The following ZNF441 variants were observed in gnomAD, a reference collection of about 807,000 sequenced individuals.
The protein encoded by ZNF441 is zinc finger protein 441.
Under a neutral mutation model 64.5 loss-of-function variants are expected in ZNF441, and 25 were observed. That is an observed-to-expected ratio of 0.39 (90% CI 0.28 to 0.54). The LOEUF (loss-of-function observed/expected upper bound fraction) is 0.54. Among genes scored for constraint, ZNF441 ranks in the 20% least tolerant of loss-of-function variants. ZNF441 has a pLI of 0.70. For missense variants in ZNF441, 715 were observed against 843.3 expected (o/e 0.85, Z 1.88); for synonymous variants, 262 against 268.0 (o/e 0.98, Z 0.22).
chr19:11,781,121 T>C lies in ZNF441; in HGVS notation c.1297T>C (p.Tyr433His), dbSNP rs1386545943. ...TGGAAAAGCCTTCATTTGTTGCACT[T>C]ACCTTCAAATACATGAAAGAATTCA... ...QCGKAFICCT[Y>H]LQIHERIHTG... The change falls in exon 4 of 4, where the codon TAC (tyrosine) becomes CAC (histidine). Residue 433 changes from tyrosine (Y) to histidine (H), a missense_variant. Tyr to His is a moderately conservative substitution (Grantham distance 83). Around this residue, in one of 2 missense-constraint regions of ZNF441, gnomAD observed 316 missense variants for 429.3 expected, o/e 0.74. Transcript: ENST00000357901. The C allele has an allele frequency of 6.2e-7, 1 of 1,613,878 alleles. No homozygotes were observed. The highest frequency in any genetic ancestry group is 8.5e-7 in the Non-Finnish European group (1 of 1,180,006).
At chr19:11,776,926 A>G (rs908424422) in intron 1 of ZNF441, among the ~76,000 whole-genome samples, 2 of 151,968 alleles carry the variant, frequency 1.3e-5, no homozygotes, top group South Asian at 4.2e-4. Context: ...CTCCTGCCGC[A>G]GCCTCCTGAG....
chr19:11,779,028 A>G (rs1187397290), intron 3 of ZNF441, among the ~76,000 whole-genome samples: 1 of 152,186 alleles, frequency 6.6e-6, no homozygotes, highest in Non-Finnish European at 1.5e-5. Flanking sequence ...AATGTTAGAA[A>G]TGTAAATCCA....
intron 3 of ZNF441, among the ~76,000 whole-genome samples, chr19:11,779,289 A>G (rs1975377638): frequency 6.7e-6 from 1 of 148,832 alleles, no homozygotes; most frequent in South Asian, 2.1e-4. Flanking sequence ...ACTATACTCC[A>G]GCCTGGGCAA....
In ZNF441 at chr19:11,781,139, A is replaced by G. The variant is rs1371003533; in HGVS notation, c.1315A>G (p.Arg439Gly). 6.2e-7 allele frequency: 1 copy of G among 1,614,124 alleles called. No individual in the cohort carries two copies. The highest frequency in any genetic ancestry group is 8.5e-7 in the Non-Finnish European group (1 of 1,180,028). ...TTGCACTTACCTTCAAATACATGAA[A>G]GAATTCACACTGGGGAGAGACCCTA... Reference protein sequence around the residue: ...ICCTYLQIHERIHTGERPYKC... With the variant: ...ICCTYLQIHEGIHTGERPYKC... Residue 439 changes from arginine to glycine, a missense_variant, in exon 4 of 4, where the codon AGA becomes GGA. Coordinates refer to ENST00000357901, the MANE Select transcript of ZNF441 (RefSeq NM_152355.3).
rs1297456950 is a variant in ZNF441, at chr19:11,781,281, A to G, written c.1457A>G (p.His486Arg). Residue 486 changes from histidine to arginine, a missense_variant, in exon 4 of 4, where the codon CAT becomes CGT. Physicochemically the swap from His to Arg is conservative, Grantham distance 29. Around this residue, in one of 2 missense-constraint regions of ZNF441, gnomAD observed 316 missense variants for 429.3 expected, o/e 0.74. Coordinates refer to ENST00000357901, the MANE Select transcript of ZNF441 (RefSeq NM_152355.3). ...ECKQCGKALS[H>R]LKSFQRHMIM... ...AAGCAGTGTGGAAAAGCACTTTCTC[A>G]TCTGAAAAGCTTTCAGAGACACATG... 1.2e-6 allele frequency: 2 copies of G among 1,613,826 alleles called. No individual in the cohort carries two copies. The highest frequency in any genetic ancestry group is 3.3e-5 in the Admixed American group (2 of 59,996).
At chr19:11,771,774 C>T (rs567829286) in intron 1 of ZNF441, among the ~76,000 whole-genome samples, 1 of 152,284 alleles carries the variant, frequency 6.6e-6, no homozygotes, top group East Asian at 1.9e-4. Flanking sequence ...CGTGGTCTAG[C>T]GGTAGCAAAA....
Position 11,767,328 on chromosome 19 carries a change from G to T in ZNF441, c.3+132G>T. 1 of 1,422,174 alleles carries T rather than the reference G, an allele frequency of 7.0e-7. No homozygotes were observed. Among genetic ancestry groups the T allele is most frequent in the Non-Finnish European group, 9.6e-7 (1 of 1,040,154 alleles). 88.1% of individuals were successfully genotyped at this position (1,422,174 alleles called of 1,614,324 possible). On this transcript the variant is annotated intron_variant, in intron 1 of 3. Coordinates refer to ENST00000357901, the MANE Select transcript of ZNF441 (RefSeq NM_152355.3). This position sits in a 1 kb window ranked among gnomAD's most constrained non-coding sequence, Gnocchi z 5.1. ...GCGCAGCTCGGCCCTCGGTTCCCTC[G>T]GCCGCACGATGGGGCTGGGGCGGCA...
chr19:11,780,582 A>C lies in ZNF441; in HGVS notation c.758A>C (p.Gln253Pro). ...ERTHSGEKPY[Q>P]CKQCGKAFSC... Reference sequence around the variant, plus strand: ...ACACACAGTGGAGAGAAACCCTATCAATGTAAACAATGTGGGAAAGCCTTC... The same window carrying C: ...ACACACAGTGGAGAGAAACCCTATCCATGTAAACAATGTGGGAAAGCCTTC... Residue 253 changes from glutamine (Q) to proline (P), a missense_variant, in exon 4 of 4, where the codon CAA (glutamine) becomes CCA (proline). Gln to Pro is a moderately conservative substitution (Grantham distance 76). Around this residue, in one of 2 missense-constraint regions of ZNF441, gnomAD observed 399 missense variants for 413.9 expected, o/e 0.96. Transcript: ENST00000357901. 1.2e-6 allele frequency: 2 copies of C among 1,614,202 alleles called. No individual in the cohort carries two copies. Among genetic ancestry groups the C allele is most frequent in the South Asian group, 1.1e-5 (1 of 91,086 alleles).
At chr19:11,776,964 A>G (rs1482729218) in intron 1 of ZNF441, among the ~76,000 whole-genome samples, 1 of 152,122 alleles carries the variant, frequency 6.6e-6, no homozygotes, top group Non-Finnish European at 1.5e-5. Context: ...ATGAACCACC[A>G]TACCGGGCTA....
intron 1 of ZNF441, among the ~76,000 whole-genome samples, chr19:11,777,353 C>G (rs1975363316): frequency 6.6e-6 from 1 of 152,150 alleles, no homozygotes; most frequent in Non-Finnish European, 1.5e-5. Context: ...AGGAGTGATT[C>G]AGGCAATAAG....
At chr19:11,771,965 C>G (rs1000894516) in intron 1 of ZNF441, among the ~76,000 whole-genome samples, 10 of 152,218 alleles carry the variant, frequency 6.6e-5, no homozygotes, top group African/African-American at 2.4e-4. Context: ...GGTCACACTC[C>G]TAGTCTGCCT....
rs943352836 is a variant in ZNF441 at position 11,767,893 on chromosome 19, G to A, written c.3+697G>A. Among the ~76,000 whole-genome samples the A allele has an allele frequency of 2.0e-5, 3 of 152,230 alleles. No homozygotes were observed. Among genetic ancestry groups the A allele is most frequent in the African/African-American group, 7.2e-5 (3 of 41,460 alleles). On this transcript the variant is annotated intron_variant, in intron 1 of 3. Coordinates refer to ENST00000357901, the MANE Select transcript of ZNF441 (RefSeq NM_152355.3). The surrounding 1 kb of genome is among the most constrained non-coding windows in gnomAD (Gnocchi z 5.1). ...GGAGGCGGCCCCGCGAGGCAGCGGGGCTGAGGGCACCTGGTTAATATCTAA... is the reference window on the plus strand; with the variant it reads ...GGAGGCGGCCCCGCGAGGCAGCGGGACTGAGGGCACCTGGTTAATATCTAA...
At chr19:11,779,276 A>G (rs1423069254) in intron 3 of ZNF441, among the ~76,000 whole-genome samples, 1 of 150,608 alleles carries the variant, frequency 6.6e-6, no homozygotes, top group Admixed American at 6.7e-5. Flanking sequence ...CCCTGTTCAC[A>G]TTACTATACT....
chr19:11,780,392 C>T lies in ZNF441; in HGVS notation c.568C>T (p.His190Tyr), dbSNP rs34816447. The T allele has an allele frequency of 3.8e-5, 62 of 1,614,216 alleles. 1 individual carries two copies. The African/African-American group carries it at 4.8e-4, about 12-fold the overall frequency. The change falls in exon 4 of 4, where the codon CAC becomes TAC. Residue 190 changes from histidine (H) to tyrosine (Y), a missense_variant. His to Tyr is a moderately conservative substitution (Grantham distance 83). Coordinates refer to ENST00000357901, the MANE Select transcript of ZNF441 (RefSeq NM_152355.3). ...AAACCTTCAAAGACACATGGCAGCA[C>T]ACCATGGAGATGGACCTCGTATATG... ...LENLQRHMAA[H>Y]HGDGPRICKL...
At chr19:11,773,073 G>A (rs999339903) in intron 1 of ZNF441, among the ~76,000 whole-genome samples, 1 of 152,162 alleles carries the variant, frequency 6.6e-6, no homozygotes, top group African/African-American at 2.4e-5. Flanking sequence ...TTACAGGTGT[G>A]AGCCACTGCG....
rs371669082 is a variant in ZNF441, at chr19:11,781,795, C to T, written c.1971C>T (p.Ala657=). Residue 657 remains alanine, a synonymous_variant, in exon 4 of 4, where the codon GCC becomes GCT. Coordinates refer to ENST00000357901, the MANE Select transcript of ZNF441 (RefSeq NM_152355.3). The part of the protein sequence containing the change: ...ECGKPFHCPS[A]FHKHERTHSM... ...GGAAACCATTCCATTGTCCCAGTGC[C>T]TTTCATAAACATGAAAGGACCCACA... 2.8e-5 allele frequency: 45 copies of T among 1,613,862 alleles called. No homozygotes were observed. Among genetic ancestry groups the T allele is most frequent in the Non-Finnish European group, 3.6e-5 (42 of 1,179,974 alleles).
chr19:11,783,976 G>A lies in ZNF441; in HGVS notation c.*2070G>A, dbSNP rs1975424906. On this transcript the variant is annotated 3_prime_UTR_variant, in exon 4 of 4. Transcript: ENST00000357901. ...ATGGATACCCCAAATACGCTGACTT[G>A]ACCATTACACATTCTATGCATGCAA... is the stretch of plus-strand genomic sequence containing the variant. 1 of 152,152 alleles carries A rather than the reference G, an allele frequency of 6.6e-6. No homozygotes were observed. Among genetic ancestry groups the A allele is most frequent in the South Asian group, 2.1e-4 (1 of 4,828 alleles). 9.4% of individuals were successfully genotyped at this position (152,152 alleles called of 1,614,324 possible). A position where few individuals can be genotyped will look rare whatever the true frequency, so the allele number is the denominator to read the frequency against.
In ZNF441 at chr19:11,781,651, C is replaced by T. The variant is rs569647027; in HGVS notation, c.1827C>T (p.His609=). The T allele has an allele frequency of 2.5e-5, 41 of 1,614,162 alleles. No homozygotes were observed. The African/African-American group carries it at 3.6e-4, about 14-fold the overall frequency. Residue 609 remains histidine (H), a synonymous_variant, in exon 4 of 4, where the codon CAC becomes CAT. Coordinates refer to ENST00000357901, the MANE Select transcript of ZNF441 (RefSeq NM_152355.3). ...PSSVQRHERT[H]TGEKPYECKE... is the part of the protein sequence containing the mutation. ...CAGTGCAAAGACATGAAAGAACTCA[C>T]ACTGGAGAGAAACCCTATGAATGCA...
rs1384464118 is a variant in ZNF441, at chr19:11,777,878, C to T, written c.130+141C>T. 2.6e-5 allele frequency: 23 copies of T among 887,502 alleles called. No homozygotes were observed. The Admixed American group carries it at 5.1e-4, about 20-fold the overall frequency. The allele number at this position is 887,502 out of a possible 1,614,324, so 55.0% of individuals were successfully genotyped here. A position where few individuals can be genotyped will look rare whatever the true frequency, so the allele number is the denominator to read the frequency against. On this transcript the variant is annotated intron_variant, in intron 2 of 3. Transcript: ENST00000357901. Reference sequence around the variant, plus strand: ...ACCCAAGCAGTCATACATCTTCTCCCGCACAACTTAACCACTAGTAGCCTA... The same window carrying T: ...ACCCAAGCAGTCATACATCTTCTCCTGCACAACTTAACCACTAGTAGCCTA...
Sources: gnomAD v4.1 joint callset for allele counts (sites outside exome capture counted in the v4.1 genomes callset) on GRCh38, gnomAD v4.1.1 for gene constraint, gnomAD v4.1.1 regional missense constraint, Gnocchi (gnomAD v3.1) non-coding constraint, MANE v1.5 for transcripts, NCBI Gene and HGNC (gene_info 2026-07-23, HGNC 2026-07-21) for gene names.